Variants in UQCC1 observed in about 807,000 individuals in gnomAD.
UQCC1 encodes bFGF-repressed Zic-binding protein.
A neutral mutation model predicts 48.0 loss-of-function variants in UQCC1; 38 were observed. The observed-to-expected ratio is 0.79, with a 90% CI of 0.61 to 1.04. The LOEUF is 1.04. Among genes scored for constraint, UQCC1 ranks in the 50% least tolerant of loss-of-function variants. The pLI is 0.00. For synonymous variants in UQCC1, 111 were observed against 129.2 expected (o/e 0.86, Z 0.95); for missense variants, 368 against 381.8 (o/e 0.96, Z 0.30).
chr20:35,342,498 T>C (rs1181107589), intron 7 of UQCC1, among the ~76,000 whole-genome samples: 1 of 152,246 alleles, frequency 6.6e-6, no homozygotes, highest in Non-Finnish European at 1.5e-5. Flanking sequence ...AGAAACTTAC[T>C]TCATTAGTAG....
intron 6 of UQCC1, among the ~76,000 whole-genome samples, chr20:35,350,810 G>T (rs560797127): frequency 2.4e-4 from 36 of 152,120 alleles, no homozygotes; most frequent in African/African-American, 8.2e-4. Flanking sequence ...GGAGGCCGAG[G>T]TGGGTGGATC....
rs751826632 is a variant in UQCC1, at chr20:35,306,851, T to C, written c.652-72A>G. On this transcript the variant is annotated intron_variant, in intron 8 of 9. Transcript: ENST00000374385. ...CAGGACACAGACGGTGGGGATACTATGAACATGCTAGCAACCATGGAATCA... is the reference window on the plus strand; with the variant it reads ...CAGGACACAGACGGTGGGGATACTACGAACATGCTAGCAACCATGGAATCA... 6 of 1,207,766 alleles carry C rather than the reference T, an allele frequency of 5.0e-6. No homozygotes were observed. The East Asian group carries it at 7.0e-5, about 14-fold the overall frequency. 74.8% of individuals were successfully genotyped at this position (1,207,766 alleles called of 1,614,324 possible).
At chr20:35,311,960 GTGAC>G in intron 8 of UQCC1, among the ~76,000 whole-genome samples, 1 of 152,252 alleles carries the variant, frequency 6.6e-6, no homozygotes. Flanking sequence ...AGCACCCCAG[GTGAC>G]TCCTGTGGTC....
At chr20:35,358,911 T>C (rs2061576525) in intron 6 of UQCC1, among the ~76,000 whole-genome samples, 1 of 152,200 alleles carries the variant, frequency 6.6e-6, no homozygotes, top group Non-Finnish European at 1.5e-5. Flanking sequence ...AGCTTCACAG[T>C]ACTATCCTTG....
chr20:35,337,965 G>A (rs899326231), intron 7 of UQCC1, among the ~76,000 whole-genome samples: 17 of 149,928 alleles, frequency 1.1e-4, no homozygotes, highest in African/African-American at 3.4e-4. Flanking sequence ...GTATAATACC[G>A]CCTTTGTTAG....
chr20:35,347,243 C>A lies in UQCC1; in HGVS notation c.494G>T (p.Gly165Val). 6.2e-7 allele frequency: 1 copy of A among 1,614,128 alleles called. No homozygotes were observed. Among genetic ancestry groups the A allele is most frequent in the South Asian group, 1.1e-5 (1 of 91,076 alleles). ...ACGACACATGTACTTCCCACTCCGG[C>A]CTTCCTGCTTCATTCGGACTAGACA... ...WMCLVRMKQE[G>V]RSGKYMCRII... The change falls in exon 7 of 10, where the codon GGC (glycine) becomes GTC (valine). Residue 165 changes from glycine to valine, a missense_variant. Physicochemically the swap from Gly to Val is moderately radical, Grantham distance 109. Coordinates refer to ENST00000374385, the MANE Select transcript of UQCC1 (RefSeq NM_018244.5).
At chr20:35,407,370 G>C (rs1467024611) in intron 1 of UQCC1, among the ~76,000 whole-genome samples, 1 of 151,956 alleles carries the variant, frequency 6.6e-6, no homozygotes, top group Non-Finnish European at 1.5e-5. Flanking sequence ...AGGGGCTGCA[G>C]TGAGTCTAGA....
At chr20:35,334,711 TA>T (rs2061296639) in intron 7 of UQCC1, among the ~76,000 whole-genome samples, 2 of 152,216 alleles carry the variant, frequency 1.3e-5, no homozygotes, top group Admixed American at 1.3e-4. Context: ...ACCTGGAAGC[TA>T]ACAGGCCACA....
At chr20:35,375,846 CAGGAGGCTGAGGT>C (rs1162479715) in intron 4 of UQCC1, among the ~76,000 whole-genome samples, 1 of 148,736 alleles carries the variant, frequency 6.7e-6, no homozygotes, top group Non-Finnish European at 1.5e-5. Context: ...ACCAGCTACT[CAGGAGGCTGAGGT>C]AGGAGGCTGA....
chr20:35,316,144 A>T (rs767262142), intron 7 of UQCC1, among the ~76,000 whole-genome samples: 1 of 152,082 alleles, frequency 6.6e-6, no homozygotes, highest in Non-Finnish European at 1.5e-5. Flanking sequence ...CAGAGTAAGG[A>T]CTCTGACTAT....
chr20:35,365,058 C>T (rs532567071), intron 6 of UQCC1, among the ~76,000 whole-genome samples: 33 of 152,158 alleles, frequency 2.2e-4, no homozygotes, highest in Non-Finnish European at 4.6e-4. Context: ...AACGCTATGC[C>T]TTACCCTTCA....
intron 4 of UQCC1, among the ~76,000 whole-genome samples, chr20:35,380,657 T>C (rs1441066774): frequency 6.6e-6 from 1 of 152,198 alleles, no homozygotes; most frequent in Non-Finnish European, 1.5e-5. Flanking sequence ...TAGAAAAATC[T>C]TCCCTACTGC....
chr20:35,380,984 T>G (rs570549233), intron 4 of UQCC1, among the ~76,000 whole-genome samples: 2 of 152,330 alleles, frequency 1.3e-5, no homozygotes, highest in East Asian at 3.9e-4. Flanking sequence ...TTTTCCAATT[T>G]GGGATGCTCA....
chr20:35,325,810 A>G (rs2061186313), intron 7 of UQCC1, among the ~76,000 whole-genome samples: 1 of 152,082 alleles, frequency 6.6e-6, no homozygotes, highest in African/African-American at 2.4e-5. Flanking sequence ...GTAAAGGCAC[A>G]GGGAGGTGAA....
intron 6 of UQCC1, among the ~76,000 whole-genome samples, chr20:35,348,137 A>G (rs2061450817): frequency 6.6e-6 from 1 of 152,214 alleles, no homozygotes; most frequent in African/African-American, 2.4e-5. Context: ...GTAGGCACTC[A>G]ATATACACTT....
chr20:35,408,253 A>G (rs2062282528), intron 1 of UQCC1, among the ~76,000 whole-genome samples: 1 of 152,082 alleles, frequency 6.6e-6, no homozygotes, highest in Non-Finnish European at 1.5e-5. Context: ...ACATAGCAAG[A>G]ACTCCTCTCT....
At chr20:35,392,160 T>C in intron 2 of UQCC1, 1 of 1,074,690 alleles carries the variant, frequency 9.3e-7, no homozygotes, top group South Asian at 1.3e-5. Context: ...AGCTCACACA[T>C]CCCATTATGC....
chr20:35,350,485 T>C (rs986738695), intron 6 of UQCC1, among the ~76,000 whole-genome samples: 1 of 151,460 alleles, frequency 6.6e-6, no homozygotes, highest in African/African-American at 2.4e-5. Flanking sequence ...TCACCTGAGG[T>C]CAGGAGTTCG....
intron 4 of UQCC1, 41 bp downstream of exon 4, chr20:35,381,877 A>G: frequency 1.7e-6 from 2 of 1,210,886 alleles, no homozygotes; most frequent in Non-Finnish European, 2.4e-6. Flanking sequence ...AGAAAGCACA[A>G]TGCCCAAAAG....
Sources: allele counts gnomAD v4.1 joint callset (sites outside exome capture counted in the v4.1 genomes callset), GRCh38; gene constraint gnomAD v4.1.1; transcripts MANE v1.5; gene names NCBI Gene and HGNC (gene_info 2026-07-23, HGNC 2026-07-21).